CACNA1B: variants seen among roughly 807,000 people sequenced by gnomAD.
CACNA1B encodes voltage-dependent N-type calcium channel subunit alpha-1B.
A neutral mutation model predicts 247.2 loss-of-function variants in CACNA1B; 70 were observed. That is an observed-to-expected ratio of 0.28 (90% confidence interval 0.23 to 0.35). The LOEUF is 0.35. Ranked by LOEUF, CACNA1B falls within the 10% of genes least tolerant of loss-of-function variation. The pLI is 1.00. For synonymous variants in CACNA1B, 1,231 were observed against 1,294.4 expected (o/e 0.95, Z 1.05); for missense variants, 2,367 against 3,197.4 (o/e 0.74, Z 6.26).
In CACNA1B at chr9:137,973,341, G is replaced by T. The variant is rs1564215342; in HGVS notation, c.1543+1749G>T. Among the ~76,000 whole-genome samples the T allele has an allele frequency of 6.6e-6, 1 of 152,234 alleles. No homozygotes were observed. The highest frequency in any genetic ancestry group is 1.5e-5 in the Non-Finnish European group (1 of 68,038). ...TGAGGGAGGCTTGCTCAGTAGGTAG[G>T]ACAGGCTTGCCAGAGGCGAGGGGGT... On this transcript the variant is annotated intron_variant, in intron 11 of 46. Coordinates refer to ENST00000371372, the MANE Select transcript of CACNA1B (RefSeq NM_000718.4). The surrounding 1 kb of genome is among the most constrained non-coding windows in gnomAD (Gnocchi z 4.1).
At chr9:138,047,068 T>C in intron 22 of CACNA1B, 35 bp downstream of exon 22, 1 of 1,579,280 alleles carries the variant, frequency 6.3e-7, no homozygotes, top group Non-Finnish European at 8.6e-7. Context: ...CCCGCCAGGC[T>C]GTGGCGGGGG....
At position 138,052,306 on chromosome 9, in the gene CACNA1B, C is replaced by A; in HGVS notation, c.3807+118C>A. 1.6e-6 allele frequency: 1 copy of A among 631,756 alleles called. No homozygotes were observed. The highest frequency in any genetic ancestry group is 1.8e-5 in the South Asian group (1 of 55,662). The allele number at this position is 631,756 out of a possible 1,614,324, so 39.1% of individuals were successfully genotyped here. On this transcript the variant is annotated intron_variant, in intron 25 of 46. Transcript: ENST00000371372. The surrounding 1 kb of genome is among the most constrained non-coding windows in gnomAD (Gnocchi z 5.1). ...GTGTGTGTGTGTTCACATCACACCCCTGTGTGAGGGGGTTGGGCTCACTCA... is the reference window on the plus strand; with the variant it reads ...GTGTGTGTGTGTTCACATCACACCCATGTGTGAGGGGGTTGGGCTCACTCA...
intron 43 of CACNA1B, 129 bp from the exon 44 acceptor site, chr9:138,118,523 A>C: frequency 3.4e-6 from 2 of 586,524 alleles, no homozygotes; most frequent in South Asian, 2.1e-5. Flanking sequence ...TGTGAACAGC[A>C]GTGGGAGTTA....
In CACNA1B at chr9:138,122,193, C is replaced by T. The variant is rs756801999; in HGVS notation, c.*194C>T. On this transcript the variant is annotated 3_prime_UTR_variant, in exon 47 of 47. Transcript: ENST00000371372. ...TAAAGCCCTGTTAGAGGATGCGGCT[C>T]TCTCTGTCCCCTTCCTGTCCTGCCT... The T allele has an allele frequency of 1.7e-6, 1 of 599,842 alleles. No individual in the cohort carries two copies. Among genetic ancestry groups the T allele is most frequent in the East Asian group, 2.8e-5 (1 of 36,164 alleles). 37.2% of individuals were successfully genotyped at this position (599,842 alleles called of 1,614,324 possible). A position where few individuals can be genotyped will look rare whatever the true frequency, so the allele number is the denominator to read the frequency against.
Position 138,115,656 on chromosome 9 carries a change from C to A in CACNA1B, c.5754C>A (p.Thr1918=). ...TTTTCCTTCGACAGAAGAGTTCCACCTCCCTCAGCAATGGCGGGGCCATGT... is the reference window on the plus strand; with the variant it reads ...TTTTCCTTCGACAGAAGAGTTCCACATCCCTCAGCAATGGCGGGGCCATGT... ...ARVFLRQKSS[T]SLSNGGAIQN... The change falls in exon 42 of 47, where the codon ACC becomes ACA. Residue 1918 remains threonine (T), a synonymous_variant. Transcript: ENST00000371372. The A allele has an allele frequency of 1.2e-6, 2 of 1,613,556 alleles. No individual in the cohort carries two copies. Among genetic ancestry groups the A allele is most frequent in the Non-Finnish European group, 8.5e-7 (1 of 1,179,682 alleles).
In CACNA1B at chr9:138,059,465, CTG is replaced by C. The variant is rs1213963542; in HGVS notation, c.4585-185_4585-184del. ...TGCCTCTGCCCAGGCCCAGAGGTATCTGTGTCCCTGGCTTTGACATCTGCTTA... is the reference window on the plus strand; with the variant it reads ...TGCCTCTGCCCAGGCCCAGAGGTATCTGTCCCTGGCTTTGACATCTGCTTA... On this transcript the variant is annotated intron_variant, in intron 30 of 46. Transcript: ENST00000371372. This position sits in a 1 kb window ranked among gnomAD's most constrained non-coding sequence, Gnocchi z 4.2. Among the ~76,000 whole-genome samples the C allele has an allele frequency of 1.3e-5, 2 of 152,188 alleles. No homozygotes were observed. Among genetic ancestry groups the C allele is most frequent in the Non-Finnish European group, 2.9e-5 (2 of 68,028 alleles).
chr9:137,948,831 A>G (rs1473465748), intron 6 of CACNA1B, among the ~76,000 whole-genome samples: 3 of 116,874 alleles, frequency 2.6e-5, no homozygotes, highest in Admixed American at 1.7e-4. Flanking sequence ...TGGTGTGTGC[A>G]CTTGTGTCTA....
chr9:138,059,509 G>T lies in CACNA1B; in HGVS notation c.4585-145G>T. On this transcript the variant is annotated intron_variant, in intron 30 of 46. Transcript: ENST00000371372. This position sits in a 1 kb window ranked among gnomAD's most constrained non-coding sequence, Gnocchi z 4.2. The stretch of plus-strand genomic sequence containing the variant: ...ATCTGCTTACCTCTGGCCTTGTGCT[G>T]TGCCCCCTGGGGTGGCCTGTCTGCC... 1 of 650,436 alleles carries T rather than the reference G, an allele frequency of 1.5e-6. No individual in the cohort carries two copies. Among genetic ancestry groups the T allele is most frequent in the African/African-American group, 1.8e-5 (1 of 55,514 alleles). The allele number at this position is 650,436 out of a possible 1,614,324, so 40.3% of individuals were successfully genotyped here. A position where few individuals can be genotyped will look rare whatever the true frequency, so the allele number is the denominator to read the frequency against.
chr9:138,092,439 C>G (rs1248865141), intron 36 of CACNA1B, among the ~76,000 whole-genome samples: 3 of 152,246 alleles, frequency 2.0e-5, no homozygotes, highest in Non-Finnish European at 2.9e-5. Flanking sequence ...AAATATGGCT[C>G]TGTTCTGCCC....
intron 6 of CACNA1B, among the ~76,000 whole-genome samples, chr9:137,918,211 G>C (rs978825236): frequency 2.3e-5 from 3 of 133,228 alleles, no homozygotes; most frequent in East Asian, 2.0e-4. Context: ...TATAAGGCTT[G>C]GGGGGGGTGC....
intron 6 of CACNA1B, among the ~76,000 whole-genome samples, chr9:137,918,211 G>A (rs978825236): frequency 7.5e-6 from 1 of 133,228 alleles, no homozygotes; most frequent in African/African-American, 2.8e-5. Flanking sequence ...TATAAGGCTT[G>A]GGGGGGGTGC....
chr9:137,970,916 A>G (rs1003690252), intron 10 of CACNA1B, among the ~76,000 whole-genome samples: 3 of 152,202 alleles, frequency 2.0e-5, no homozygotes, highest in African/African-American at 7.2e-5. Flanking sequence ...AACTGCTTAG[A>G]AAACAGGCAG....
At chr9:137,999,720 C>T (rs1958542985) in intron 15 of CACNA1B, among the ~76,000 whole-genome samples, 1 of 152,102 alleles carries the variant, frequency 6.6e-6, no homozygotes, top group Admixed American at 6.5e-5. Context: ...GTTGCCCAGG[C>T]TGGTCTCAAA....
chr9:137,896,238 CAAAAAAAAA>C (rs34505431), intron 3 of CACNA1B, among the ~76,000 whole-genome samples: 1 of 69,768 alleles, frequency 1.4e-5, no homozygotes. Flanking sequence ...GACTCTGTCT[CAAAAAAAAA>C]AAAAAAAAAA....
At position 137,955,648 on chromosome 9, in the gene CACNA1B, T is replaced by C. The variant is rs1368468018; in HGVS notation, c.1071-50T>C. 8.1e-7 allele frequency: 1 copy of C among 1,229,506 alleles called. No individual in the cohort carries two copies. Among genetic ancestry groups the C allele is most frequent in the Non-Finnish European group, 1.2e-6 (1 of 847,868 alleles). 76.2% of individuals were successfully genotyped at this position (1,229,506 alleles called of 1,614,324 possible). Reference sequence around the variant, plus strand: ...CTTTTTGTCTCTGGGGCTGCACACCTGTGGGGCTTGCACTCACCTGATCTT... The same window carrying C: ...CTTTTTGTCTCTGGGGCTGCACACCCGTGGGGCTTGCACTCACCTGATCTT... On this transcript the variant is annotated intron_variant, in intron 7 of 46. Transcript: ENST00000371372. The surrounding 1 kb of genome is among the most constrained non-coding windows in gnomAD (Gnocchi z 6.9).
At chr9:137,933,901 A>AT (rs2133308357) in intron 6 of CACNA1B, among the ~76,000 whole-genome samples, 1 of 152,346 alleles carries the variant, frequency 6.6e-6, no homozygotes, top group African/African-American at 2.4e-5. Context: ...AACAAAAAAA[A>AT]AATTACTTAT....
chr9:138,075,834 G>A lies in CACNA1B; in HGVS notation c.4873G>A (p.Ala1625Thr). The A allele has an allele frequency of 6.2e-7, 1 of 1,608,690 alleles. No individual in the cohort carries two copies. Among genetic ancestry groups the A allele is most frequent in the Non-Finnish European group, 8.5e-7 (1 of 1,176,116 alleles). The part of the protein sequence containing the change: ...IIGMQVFGNI[A>T]LDDDTSINRH... ...TCCATTGCAGGTGTTTGGGAATATTGCCCTGGATGATGACACCAGCATCAA... is the reference window on the plus strand; with the variant it reads ...TCCATTGCAGGTGTTTGGGAATATTACCCTGGATGATGACACCAGCATCAA... The change falls in exon 35 of 47, where the codon GCC (alanine) becomes ACC (threonine). Residue 1625 changes from alanine (A) to threonine (T), a missense_variant. Physicochemically the swap from Ala to Thr is moderately conservative, Grantham distance 58. Transcript: ENST00000371372.
Position 137,995,071 on chromosome 9 carries a change from G to T in CACNA1B, c.1974+8217G>T, listed in dbSNP as rs116843178. On this transcript the variant is annotated intron_variant, in intron 15 of 46. Coordinates refer to ENST00000371372, the MANE Select transcript of CACNA1B (RefSeq NM_000718.4). ...AAAAGTACACAAATTAGCCAGGTGC[G>T]GTGGCTTGTGCCTGTAATCCCAGCT... is the stretch of plus-strand genomic sequence containing the variant. Among the ~76,000 whole-genome samples the T allele has an allele frequency of 3.2e-4, 48 of 152,084 alleles. No homozygotes were observed. In the East Asian group the frequency reaches 9.1e-3, roughly 29 times the overall value.
chr9:137,949,078 GGTGTGTGTGTGGTGTGTGCA>G (rs1564203095), intron 6 of CACNA1B, among the ~76,000 whole-genome samples: 5 of 70,360 alleles, frequency 7.1e-5, no homozygotes, highest in Non-Finnish European at 1.2e-4. Context: ...TAGTGTGTGT[GGTGTGTGTGTGGTGTGTGCA>G]TGTTTGTGGT....
Sources: allele counts gnomAD v4.1 joint callset (sites outside exome capture counted in the v4.1 genomes callset), GRCh38; gene constraint gnomAD v4.1.1; non-coding constraint Gnocchi (gnomAD v3.1); transcripts MANE v1.5; gene names NCBI Gene and HGNC (gene_info 2026-07-23, HGNC 2026-07-21).